The following LETM1 variants were observed in gnomAD, a reference collection of about 807,000 sequenced individuals.
LETM1 encodes leucine zipper and EF-hand containing transmembrane protein 1.
LETM1 carries 50 observed loss-of-function variants against 74.5 expected under a neutral mutation model. That is an observed-to-expected ratio of 0.67 (90% CI 0.53 to 0.85). The LOEUF is 0.85. Ranked by LOEUF, LETM1 falls within the 40% of genes least tolerant of loss-of-function variation. LETM1 has a pLI of 0.00. For missense variants in LETM1, 824 were observed against 967.8 expected (o/e 0.85, Z 1.97); for synonymous variants, 446 against 407.1 (o/e 1.10, Z -1.15).
chr4:1,855,762 A>T, intron 1 of LETM1, 107 bp downstream of exon 1: 1 of 663,060 alleles, frequency 1.5e-6, no homozygotes, highest in Non-Finnish European at 2.1e-6. Flanking sequence ...GGCCGGGACC[A>T]CCGGGCTCCC....
intron 2 of LETM1, 47 bp from the exon 3 acceptor site, chr4:1,841,844 C>CT: frequency 7.1e-7 from 1 of 1,409,224 alleles, no homozygotes; most frequent in Non-Finnish European, 9.8e-7. Flanking sequence ...CAGCACTAGC[C>CT]TTTGACAGCT....
chr4:1,841,603 G>C lies in LETM1; in HGVS notation c.338C>G (p.Pro113Arg). The C allele has an allele frequency of 6.2e-7, 1 of 1,614,240 alleles. No homozygotes were observed. The highest frequency in any genetic ancestry group is 1.1e-5 in the South Asian group (1 of 91,088). ...LPVRGWHSSR[P>R]VRDDSVVEKS... ...CTCTACTACCGAGTCATCGCGAACA[G>C]GGCGCGAAGAGTGCCAGCCACGCAC... The change falls in exon 3 of 14, where the codon CCT (proline) becomes CGT (arginine). Residue 113 changes from proline to arginine, a missense_variant. By Grantham distance (103) the Pro-to-Arg change is moderately radical. Coordinates refer to ENST00000302787, the MANE Select transcript of LETM1 (RefSeq NM_012318.3).
intron 2 of LETM1, among the ~76,000 whole-genome samples, chr4:1,847,016 A>C (rs1188070723): frequency 6.6e-6 from 1 of 152,166 alleles, no homozygotes; most frequent in Non-Finnish European, 1.5e-5. Context: ...AATTATCTAA[A>C]ATGCAATGCA....
In LETM1 at chr4:1,856,075, G is replaced by C; in HGVS notation, c.-125C>G. 2.0e-6 allele frequency: 1 copy of C among 505,832 alleles called. No individual in the cohort carries two copies. Among genetic ancestry groups the C allele is most frequent in the Non-Finnish European group, 3.0e-6 (1 of 338,768 alleles). 31.3% of individuals were successfully genotyped at this position (505,832 alleles called of 1,614,324 possible). A position where few individuals can be genotyped will look rare whatever the true frequency, so the allele number is the denominator to read the frequency against. On this transcript the variant is annotated 5_prime_UTR_variant, in exon 1 of 14. Transcript: ENST00000302787. ...CGCGGACGGCTGACAGAGGCGGCTG[G>C]CCTCGGACGGGAGGCGCTCTCCTCA...
chr4:1,814,132 T>C lies in LETM1; in HGVS notation c.*292A>G. ...GATGCTGAGACTGAGGCCACACACA[T>C]GGGGGCGCCTTCCTGCCTTGGCCCA... On this transcript the variant is annotated 3_prime_UTR_variant, in exon 14 of 14. Transcript: ENST00000302787. The C allele has an allele frequency of 2.3e-6, 1 of 425,710 alleles. No homozygotes were observed. The highest frequency in any genetic ancestry group is 4.4e-6 in the Non-Finnish European group (1 of 228,706). 26.4% of individuals were successfully genotyped at this position (425,710 alleles called of 1,614,324 possible). A position where few individuals can be genotyped will look rare whatever the true frequency, so the allele number is the denominator to read the frequency against.
intron 3 of LETM1, among the ~76,000 whole-genome samples, chr4:1,838,908 C>T (rs1412999555): frequency 6.6e-6 from 1 of 152,104 alleles, no homozygotes; most frequent in Non-Finnish European, 1.5e-5. Flanking sequence ...AACTAGCTCA[C>T]CACCTACATC....
chr4:1,846,041 G>C (rs1388994129), intron 2 of LETM1, among the ~76,000 whole-genome samples: 1 of 151,506 alleles, frequency 6.6e-6, no homozygotes, highest in African/African-American at 2.4e-5. Flanking sequence ...ATTTTTAGTA[G>C]AGATGGGGTT....
chr4:1,822,395 C>A, intron 9 of LETM1, 83 bp from the exon 10 acceptor site: 1 of 1,315,826 alleles, frequency 7.6e-7, no homozygotes, highest in Non-Finnish European at 9.8e-7. Context: ...GAACATATGG[C>A]AGAGGCCACA....
At chr4:1,832,104 C>T (rs1376094235) in intron 6 of LETM1, among the ~76,000 whole-genome samples, 4 of 152,086 alleles carry the variant, frequency 2.6e-5, no homozygotes, top group Non-Finnish European at 2.9e-5. Flanking sequence ...AGTTTGAGGC[C>T]AGCCTGGCCA....
intron 2 of LETM1, among the ~76,000 whole-genome samples, chr4:1,847,468 G>A (rs891446450): frequency 7.9e-5 from 12 of 152,116 alleles, no homozygotes; most frequent in African/African-American, 2.9e-4. Flanking sequence ...CCAGACTGAC[G>A]AGGTTTGGGG....
chr4:1,821,977 C>T lies in LETM1; in HGVS notation c.1608+204G>A, dbSNP rs536979124. On this transcript the variant is annotated intron_variant, in intron 10 of 13. Transcript: ENST00000302787. The stretch of plus-strand genomic sequence containing the variant: ...AGCTGCTGTGCACCCAGGCACAGTG[C>T]GGAGCCCGGCCGGACTCACTCTTTT... Among the ~76,000 whole-genome samples the T allele has an allele frequency of 5.9e-5, 9 of 152,306 alleles. No homozygotes were observed. The South Asian group carries it at 6.2e-4, about 11-fold the overall frequency.
In LETM1 at chr4:1,812,771, C is replaced by T. The variant is rs995453023; in HGVS notation, c.*1653G>A. 1 of 152,484 alleles carries T rather than the reference C, an allele frequency of 6.6e-6. No individual in the cohort carries two copies. The allele number at this position is 152,484 out of a possible 1,614,324, so 9.4% of individuals were successfully genotyped here. On this transcript the variant is annotated 3_prime_UTR_variant, in exon 14 of 14. Coordinates refer to ENST00000302787, the MANE Select transcript of LETM1 (RefSeq NM_012318.3). ...AGAGCCTTCCCCACCTGCAAAGCCC[C>T]TGCAGCACCCGGAGGGCAAGCTGGC...
chr4:1,855,719 C>G, intron 1 of LETM1, 150 bp downstream of exon 1: 1 of 406,388 alleles, frequency 2.5e-6, no homozygotes, highest in Admixed American at 4.9e-5. Context: ...CGCGACGAGA[C>G]CCGGGGCCCC....
chr4:1,813,434 G>A lies in LETM1; in HGVS notation c.*990C>T, dbSNP rs568211308. ...GCCTGGCCATGCTGCCGAGTGCGGG[G>A]AGGCCACCCCACCCAGAGGGCACAG... is the stretch of plus-strand genomic sequence containing the variant. On this transcript the variant is annotated 3_prime_UTR_variant, in exon 14 of 14. Coordinates refer to ENST00000302787, the MANE Select transcript of LETM1 (RefSeq NM_012318.3). The A allele has an allele frequency of 3.3e-5, 5 of 152,498 alleles. No homozygotes were observed. The East Asian group carries it at 9.5e-4, about 29-fold the overall frequency. The allele number at this position is 152,498 out of a possible 1,614,324, so 9.4% of individuals were successfully genotyped here.
At position 1,841,650 on chromosome 4, in the gene LETM1, A is replaced by G; in HGVS notation, c.291T>C (p.Ala97=). ...GCACAGGAAGGCACTGAGGTCCCAC[A>G]GCCACAAAACCCACAGAGGTAGAGG... is the stretch of plus-strand genomic sequence containing the variant. The part of the protein sequence containing the change: ...PWTSTSVGFV[A]VGPQCLPVRG... Residue 97 remains alanine (A), a synonymous_variant, in exon 3 of 14, where the codon GCT becomes GCC. Transcript: ENST00000302787. 6.2e-7 allele frequency: 1 copy of G among 1,614,222 alleles called. No homozygotes were observed. The highest frequency in any genetic ancestry group is 1.1e-5 in the South Asian group (1 of 91,082).
chr4:1,846,148 C>A (rs367753144), intron 2 of LETM1, among the ~76,000 whole-genome samples: 5 of 152,058 alleles, frequency 3.3e-5, no homozygotes, highest in African/African-American at 1.2e-4. Context: ...TGAGCCACTG[C>A]GCCCGGCCTC....
chr4:1,819,496 C>G lies in LETM1; in HGVS notation c.1609-24G>C, dbSNP rs750796023. The stretch of plus-strand genomic sequence containing the variant: ...TCCTGGGATAAAAATGGGCAAACAA[C>G]AAAGCCTGAGCCAAGGGAAAGAACT... On this transcript the variant is annotated intron_variant, in intron 10 of 13. Coordinates refer to ENST00000302787, the MANE Select transcript of LETM1 (RefSeq NM_012318.3). 6 of 1,604,646 alleles carry G rather than the reference C, an allele frequency of 3.7e-6. 1 individual carries two copies. The highest frequency in any genetic ancestry group is 2.7e-5 in the African/African-American group (2 of 74,770).
At chr4:1,843,662 G>A (rs574674504) in intron 2 of LETM1, among the ~76,000 whole-genome samples, 66 of 152,258 alleles carry the variant, frequency 4.3e-4, no homozygotes, top group Non-Finnish European at 7.6e-4. Context: ...AGGCCTGGGA[G>A]GGGTGGGAAG....
chr4:1,829,496 A>C (rs1577317229), intron 6 of LETM1, among the ~76,000 whole-genome samples: 1 of 152,250 alleles, frequency 6.6e-6, no homozygotes, highest in East Asian at 1.9e-4. Context: ...ATCCATTGTC[A>C]TTCAAATTTT....
Sources: gnomAD v4.1 joint callset for allele counts (sites outside exome capture counted in the v4.1 genomes callset) on GRCh38, gnomAD v4.1.1 for gene constraint, MANE v1.5 for transcripts, NCBI Gene and HGNC (gene_info 2026-07-23, HGNC 2026-07-21) for gene names.